SPAG16: variants seen among roughly 807,000 people sequenced by gnomAD.
The protein encoded by SPAG16 is sperm associated antigen 16, also known as sperm-associated antigen 16 protein.
SPAG16 carries 86 observed loss-of-function variants against 80.4 expected under a neutral mutation model. The ratio of observed to expected loss-of-function variants is 1.07; its 90% CI spans 0.90 to 1.28. The LOEUF is 1.28. SPAG16 is among the 50% of genes most tolerant of loss of function. The probability of loss-of-function intolerance (pLI) is 0.00; values close to 1 mark genes in which losing one functional copy is unlikely to be tolerated. For missense variants in SPAG16, 870 were observed against 765.3 expected (o/e 1.14, Z -1.61); for synonymous variants, 294 against 265.9 (o/e 1.11, Z -1.03).
At chr2:213,612,915 C>T (rs547531641) in intron 10 of SPAG16, among the ~76,000 whole-genome samples, 123 of 152,198 alleles carry the variant, frequency 8.1e-4, no homozygotes, top group African/African-American at 2.7e-3. Flanking sequence ...TCCGGCAATC[C>T]GCTCGCCTTG....
At chr2:213,318,930 A>G (rs1456158866) in intron 5 of SPAG16, among the ~76,000 whole-genome samples, 1 of 151,992 alleles carries the variant, frequency 6.6e-6, no homozygotes, top group Non-Finnish European at 1.5e-5. Flanking sequence ...AAATTTATTC[A>G]TAGAAGAGAA....
At chr2:213,829,911 T>C (rs1181763237) in intron 10 of SPAG16, among the ~76,000 whole-genome samples, 2 of 152,038 alleles carry the variant, frequency 1.3e-5, no homozygotes, top group Non-Finnish European at 2.9e-5. Flanking sequence ...TTCCTTCTCC[T>C]CTCATGAAGT....
At chr2:214,032,527 G>T (rs2048466053) in intron 13 of SPAG16, among the ~76,000 whole-genome samples, 1 of 152,124 alleles carries the variant, frequency 6.6e-6, no homozygotes, top group Non-Finnish European at 1.5e-5. Flanking sequence ...AATAACAAAG[G>T]AGCAGGAATA....
At chr2:214,335,354 C>G (rs1697207445) in intron 15 of SPAG16, among the ~76,000 whole-genome samples, 1 of 152,024 alleles carries the variant, frequency 6.6e-6, no homozygotes, top group African/African-American at 2.4e-5. Context: ...CCGCTACACA[C>G]TGAACACAGA....
At chr2:213,430,773 T>C (rs1191001182) in intron 9 of SPAG16, among the ~76,000 whole-genome samples, 2 of 152,086 alleles carry the variant, frequency 1.3e-5, no homozygotes, top group Non-Finnish European at 2.9e-5. Flanking sequence ...AAACTACATA[T>C]ACTCATTGGA....
intron 15 of SPAG16, among the ~76,000 whole-genome samples, chr2:214,241,628 T>A (rs1689496955): frequency 6.6e-6 from 1 of 152,168 alleles, no homozygotes; most frequent in Non-Finnish European, 1.5e-5. Flanking sequence ...AAATTGATGA[T>A]GGGAAATGTC....
intron 1 of SPAG16, 161 bp from the exon 2 acceptor site, chr2:213,295,903 G>A: frequency 2.0e-6 from 1 of 499,074 alleles, no homozygotes; most frequent in Non-Finnish European, 3.6e-6. Flanking sequence ...AGATTTATAG[G>A]CTATATGGGG....
chr2:213,748,553 A>G (rs879459024), intron 10 of SPAG16, among the ~76,000 whole-genome samples: 4 of 152,110 alleles, frequency 2.6e-5, no homozygotes, highest in African/African-American at 9.7e-5. Flanking sequence ...CATGCTACTG[A>G]AAGTTATTAA....
intron 13 of SPAG16, among the ~76,000 whole-genome samples, chr2:214,101,669 G>T (rs528870584): frequency 6.6e-6 from 1 of 152,196 alleles, no homozygotes; most frequent in South Asian, 2.1e-4. Context: ...TGCACATAAA[G>T]GGCTAGGGGA....
chr2:213,410,499 G>A (rs905633528), intron 9 of SPAG16, among the ~76,000 whole-genome samples: 15 of 152,290 alleles, frequency 9.8e-5, no homozygotes, highest in African/African-American at 2.6e-4. Flanking sequence ...CTTTTATGCT[G>A]TAGTTGGTCC....
At chr2:213,765,317 C>T (rs1360358493) in intron 10 of SPAG16, among the ~76,000 whole-genome samples, 2 of 151,792 alleles carry the variant, frequency 1.3e-5, no homozygotes, top group Non-Finnish European at 1.5e-5. Context: ...TGCAGTGAGC[C>T]GAGATCACAC....
chr2:214,111,922 G>C (rs2053684968), intron 14 of SPAG16, among the ~76,000 whole-genome samples: 1 of 152,042 alleles, frequency 6.6e-6, no homozygotes, highest in South Asian at 2.1e-4. Flanking sequence ...TTGGTTTCCT[G>C]TTTGTCTGTT....
chr2:214,216,599 C>A (rs544830931), intron 15 of SPAG16, among the ~76,000 whole-genome samples: 3 of 152,310 alleles, frequency 2.0e-5, no homozygotes, highest in South Asian at 4.1e-4. Flanking sequence ...GGATTACAGG[C>A]GTGAGCCACT....
intron 9 of SPAG16, among the ~76,000 whole-genome samples, chr2:213,385,221 A>T (rs1400171552): frequency 6.6e-6 from 1 of 152,008 alleles, no homozygotes; most frequent in East Asian, 1.9e-4. Flanking sequence ...GAGTATTTAG[A>T]TCCTCCTTTG....
chr2:213,352,966 A>G (rs928936568), intron 7 of SPAG16, among the ~76,000 whole-genome samples: 3 of 152,208 alleles, frequency 2.0e-5, no homozygotes, highest in East Asian at 3.8e-4. Context: ...TAGCTAAAAC[A>G]TAGTTATTAG....
chr2:213,741,155 G>T (rs908987845), intron 10 of SPAG16, among the ~76,000 whole-genome samples: 3 of 151,990 alleles, frequency 2.0e-5, no homozygotes, highest in African/African-American at 7.2e-5. Context: ...AAAGGTAAGG[G>T]TAAAGTAAGA....
At chr2:213,363,195 T>A (rs1429739970) in intron 7 of SPAG16, among the ~76,000 whole-genome samples, 2 of 152,128 alleles carry the variant, frequency 1.3e-5, no homozygotes, top group African/African-American at 4.8e-5. Flanking sequence ...GGAAAAAGGG[T>A]ATGGGATAAA....
intron 10 of SPAG16, among the ~76,000 whole-genome samples, chr2:213,861,464 G>A (rs1013508953): frequency 6.6e-6 from 1 of 152,164 alleles, no homozygotes; most frequent in Non-Finnish European, 1.5e-5. Context: ...AGGGAAAAAT[G>A]AACATGTGAT....
chr2:213,524,666 C>G (rs1298163870), intron 10 of SPAG16, among the ~76,000 whole-genome samples: 1 of 152,226 alleles, frequency 6.6e-6, no homozygotes, highest in African/African-American at 2.4e-5. Flanking sequence ...GACTTCCTGA[C>G]TGGATTTCGG....
Sources: gnomAD v4.1 joint callset for allele counts (sites outside exome capture counted in the v4.1 genomes callset) on GRCh38, gnomAD v4.1.1 for gene constraint, MANE v1.5 for transcripts, NCBI Gene and HGNC (gene_info 2026-07-23, HGNC 2026-07-21) for gene names.